Variants in CSTPP1 observed in about 807,000 individuals in gnomAD.
The protein encoded by CSTPP1 is UPF0705 protein C11orf49.
At chr11:46,994,452 C>G in the CSTPP1 span, among the ~76,000 whole-genome samples, 2 of 152,124 alleles carry the variant, frequency 1.3e-5, no homozygotes, top group Admixed American at 6.5e-5. Context: ...TACACCCCGT[C>G]AATACCTGAT....
chr11:47,122,087 AAAAAATATATATAT>A, the CSTPP1 span, among the ~76,000 whole-genome samples: 1 of 73,034 alleles, frequency 1.4e-5, no homozygotes, highest in East Asian at 3.0e-4. Context: ...AAAAAAAAAA[AAAAAATATATATAT>A]ATATATATAT....
chr11:47,038,445 G>A, the CSTPP1 span, among the ~76,000 whole-genome samples: 128 of 103,404 alleles, frequency 1.2e-3, 11 homozygotes, highest in Non-Finnish European at 2.9e-3. Flanking sequence ...GCGGCTGGCC[G>A]GGCGGGGGGC....
At chr11:46,945,357 G>C in the CSTPP1 span, among the ~76,000 whole-genome samples, 1 of 152,184 alleles carries the variant, frequency 6.6e-6, no homozygotes, top group Non-Finnish European at 1.5e-5. Flanking sequence ...GCTCATGCCT[G>C]TAATCCCAGC....
the CSTPP1 span, among the ~76,000 whole-genome samples, chr11:46,978,841 G>T: frequency 6.6e-6 from 1 of 152,152 alleles, no homozygotes; most frequent in African/African-American, 2.4e-5. Context: ...TTCTAAGCCC[G>T]TGAGTTTTCA....
the CSTPP1 span, among the ~76,000 whole-genome samples, chr11:47,030,085 C>T: frequency 6.6e-6 from 1 of 152,114 alleles, no homozygotes; most frequent in Admixed American, 6.5e-5. Context: ...TATGATCGTA[C>T]TACTGTACTC....
the CSTPP1 span, among the ~76,000 whole-genome samples, chr11:47,098,078 T>A: frequency 1.1e-5 from 1 of 90,424 alleles, no homozygotes; most frequent in Non-Finnish European, 2.2e-5. Flanking sequence ...CGGTGCAAGA[T>A]GTGCTTTGTT....
chr11:47,107,050 C>A, the CSTPP1 span, among the ~76,000 whole-genome samples: 2 of 152,296 alleles, frequency 1.3e-5, no homozygotes, highest in Middle Eastern at 6.8e-3. Flanking sequence ...AACCTTGAAG[C>A]TTTTCCAGGG....
chr11:47,097,586 G>A, the CSTPP1 span, among the ~76,000 whole-genome samples: 2 of 84,684 alleles, frequency 2.4e-5, no homozygotes, highest in Admixed American at 1.1e-4. Context: ...GGAGGTGGGG[G>A]GGTCAGCCCT....
the CSTPP1 span, among the ~76,000 whole-genome samples, chr11:47,046,550 A>G: frequency 6.6e-6 from 1 of 151,928 alleles, no homozygotes; most frequent in Admixed American, 6.5e-5. Flanking sequence ...AAATAGAAAG[A>G]CACCCTGAGT....
chr11:47,060,319 C>A, the CSTPP1 span, among the ~76,000 whole-genome samples: 3 of 146,718 alleles, frequency 2.0e-5, no homozygotes, highest in Non-Finnish European at 4.5e-5. Context: ...CTCACTGCAA[C>A]CTCTGCCTCC....
chr11:46,939,862 T>A, the CSTPP1 span, among the ~76,000 whole-genome samples: 1 of 152,074 alleles, frequency 6.6e-6, no homozygotes, highest in Non-Finnish European at 1.5e-5. Context: ...TTTCCGTTTC[T>A]TTTGTTTTTT....
chr11:46,974,276 C>T, the CSTPP1 span, among the ~76,000 whole-genome samples: 6 of 152,110 alleles, frequency 3.9e-5, no homozygotes, highest in East Asian at 7.7e-4. Context: ...GCCTGTAATC[C>T]CAGCACTTTG....
At chr11:47,153,773 A>T in the CSTPP1 span, among the ~76,000 whole-genome samples, 2 of 152,268 alleles carry the variant, frequency 1.3e-5, no homozygotes, top group Non-Finnish European at 2.9e-5. Context: ...CTTCAGGAAG[A>T]TCGCAGCAAA....
chr11:47,148,473 G>A, the CSTPP1 span, among the ~76,000 whole-genome samples: 2 of 152,132 alleles, frequency 1.3e-5, no homozygotes, highest in African/African-American at 4.8e-5. Flanking sequence ...CACTAGTCAT[G>A]TGACCTCCTC....
the CSTPP1 span, chr11:47,161,817 A>C: frequency 7.1e-7 from 1 of 1,404,092 alleles, no homozygotes; most frequent in East Asian, 2.6e-5. Context: ...TGGCCCCGGA[A>C]GGTGAATGGC....
chr11:47,128,886 C>A, the CSTPP1 span, among the ~76,000 whole-genome samples: 2 of 152,030 alleles, frequency 1.3e-5, no homozygotes, highest in African/African-American at 4.8e-5. Context: ...CTTTTGCCCC[C>A]CTAAAACAAC....
At chr11:47,018,148 G>A in the CSTPP1 span, among the ~76,000 whole-genome samples, 1 of 152,012 alleles carries the variant, frequency 6.6e-6, no homozygotes, top group Non-Finnish European at 1.5e-5. Context: ...AAGGATATTT[G>A]GGTTTCCCCC....
At chr11:46,974,249 CTGGCGCAG>C in the CSTPP1 span, among the ~76,000 whole-genome samples, 1 of 152,108 alleles carries the variant, frequency 6.6e-6, no homozygotes, top group African/African-American at 2.4e-5. Flanking sequence ...TGAAACAGGC[CTGGCGCAG>C]TGGCTCACGC....
chr11:47,099,258 G>A, the CSTPP1 span, among the ~76,000 whole-genome samples: 1 of 152,090 alleles, frequency 6.6e-6, no homozygotes, highest in Non-Finnish European at 1.5e-5. Flanking sequence ...CTGGAAAAAA[G>A]GATTCATGAC....
Sources: allele counts gnomAD v4.1 joint callset (sites outside exome capture counted in the v4.1 genomes callset), GRCh38; gene constraint gnomAD v4.1.1; transcripts MANE v1.5; gene names NCBI Gene and HGNC (gene_info 2026-07-23, HGNC 2026-07-21).